COMMD1: variants seen among roughly 807,000 people sequenced by gnomAD.
COMMD1 encodes COMM domain-containing protein 1.
In COMMD1, 10 loss-of-function variants were observed where a neutral mutation model predicts 17.2. The observed-to-expected ratio is 0.58, with a 90% CI of 0.36 to 0.99. The LOEUF (loss-of-function observed/expected upper bound fraction) is 0.99. Among genes scored for constraint, COMMD1 ranks in the 50% least tolerant of loss-of-function variants. The probability of loss-of-function intolerance (pLI) is 0.01; values close to 1 mark genes in which losing one functional copy is unlikely to be tolerated. For synonymous variants in COMMD1, 97 were observed against 91.6 expected (o/e 1.06, Z -0.34); for missense variants, 270 against 231.8 (o/e 1.17, Z -1.07).
At chr2:62,123,441 G>C (rs1672801736) in intron 2 of COMMD1, among the ~76,000 whole-genome samples, 6 of 150,470 alleles carry the variant, frequency 4.0e-5, no homozygotes, top group Admixed American at 4.0e-4. Flanking sequence ...GGAGGCGGAG[G>C]GTGTAGTGAG....
At chr2:61,950,456 G>A (rs1212626788) in intron 1 of COMMD1, among the ~76,000 whole-genome samples, 1 of 152,196 alleles carries the variant, frequency 6.6e-6, no homozygotes, top group Non-Finnish European at 1.5e-5. Context: ...GAGATAAAAG[G>A]TTTATACAGT....
chr2:62,085,882 G>T (rs1362941444), intron 2 of COMMD1, among the ~76,000 whole-genome samples: 1 of 152,148 alleles, frequency 6.6e-6, no homozygotes, highest in Non-Finnish European at 1.5e-5. Context: ...GGACGCTGAG[G>T]CAGGAGAATG....
In COMMD1 at chr2:61,963,196, C is replaced by T. The variant is rs912910008; in HGVS notation, c.181-37505C>T. ...TATATATATATATATTATATACACACACACACACACACACACACACACACA... is the reference window on the plus strand; with the variant it reads ...TATATATATATATATTATATACACATACACACACACACACACACACACACA... On this transcript the variant is annotated intron_variant, in intron 1 of 2. Transcript: ENST00000311832. Among the ~76,000 whole-genome samples, 873 of 142,214 alleles carry T rather than the reference C, an allele frequency of 6.1e-3. 15 individuals carry two copies. The highest frequency in any genetic ancestry group is 0.022 in the African/African-American group (798 of 35,708). The allele number at this position is 142,214 out of a possible 152,430, so 93.3% of individuals were successfully genotyped here. A position where few individuals can be genotyped will look rare whatever the true frequency, so the allele number is the denominator to read the frequency against.
chr2:61,975,822 T>G (rs1232094022), intron 1 of COMMD1, among the ~76,000 whole-genome samples: 1 of 152,214 alleles, frequency 6.6e-6, no homozygotes, highest in African/African-American at 2.4e-5. Flanking sequence ...CATTGAGGTC[T>G]AAGAGCATAC....
At chr2:61,901,128 G>A (rs1315750146), upstream of COMMD1, among the ~76,000 whole-genome samples, 2 of 151,768 alleles carry the variant, frequency 1.3e-5, no homozygotes, top group Non-Finnish European at 2.9e-5. Flanking sequence ...TGTATCTTTA[G>A]TAGAGACAGG....
chr2:61,921,938 AT>A (rs34356773), intron 1 of COMMD1, among the ~76,000 whole-genome samples: 3 of 151,898 alleles, frequency 2.0e-5, no homozygotes, highest in African/African-American at 7.2e-5. Context: ...CTTTATTTAA[AT>A]TTTTTTTCCA....
At chr2:61,891,922 C>G (rs942463458) in intron 1 of COMMD1, among the ~76,000 whole-genome samples, 3 of 151,646 alleles carry the variant, frequency 2.0e-5, no homozygotes, top group African/African-American at 7.3e-5. Flanking sequence ...AGCTCCGCCT[C>G]CCGGGTTCAC....
intron 2 of COMMD1, 132 bp from the exon 3 acceptor site, chr2:62,135,699 A>T: frequency 1.5e-6 from 1 of 676,874 alleles, no homozygotes; most frequent in South Asian, 1.5e-5. Context: ...TTGCTGGGTA[A>T]AATATCACTT....
chr2:62,092,350 G>A (rs1218262121), intron 2 of COMMD1, among the ~76,000 whole-genome samples: 1 of 152,208 alleles, frequency 6.6e-6, no homozygotes, highest in Non-Finnish European at 1.5e-5. Flanking sequence ...GCCTGGTCCA[G>A]CGTCTCTGGA....
At chr2:61,889,546 C>T (rs1669370403) in intron 1 of COMMD1, among the ~76,000 whole-genome samples, 4 of 152,070 alleles carry the variant, frequency 2.6e-5, no homozygotes, top group Admixed American at 1.3e-4. Context: ...TGGATCTATC[C>T]GCGAGGTGGG....
chr2:62,071,181 G>A (rs1671190443), intron 2 of COMMD1, among the ~76,000 whole-genome samples: 2 of 152,168 alleles, frequency 1.3e-5, no homozygotes, highest in South Asian at 2.1e-4. Context: ...GGCAATTCCT[G>A]GAACTGAGGG....
chr2:61,892,955 C>T (rs776612608), intron 1 of COMMD1, among the ~76,000 whole-genome samples: 81 of 151,960 alleles, frequency 5.3e-4, no homozygotes, highest in Non-Finnish European at 7.8e-4. Flanking sequence ...GCAACCTCTG[C>T]TCCACGGGTT....
At chr2:62,000,559 T>A (rs1668900964) in intron 1 of COMMD1, 142 bp from the exon 2 acceptor site, 1 of 822,944 alleles carries the variant, frequency 1.2e-6, no homozygotes, top group African/African-American at 1.7e-5. Context: ...CCCAAAGTGC[T>A]GAGATTACAG....
chr2:62,051,602 C>T (rs1355969537), intron 2 of COMMD1, among the ~76,000 whole-genome samples: 3 of 152,020 alleles, frequency 2.0e-5, no homozygotes, highest in Admixed American at 6.6e-5. Context: ...CATAATGTAT[C>T]CCATTGGTTA....
intron 1 of COMMD1, among the ~76,000 whole-genome samples, chr2:61,943,538 CAA>C (rs1338544693): frequency 1.3e-5 from 2 of 152,106 alleles, no homozygotes; most frequent in African/African-American, 4.8e-5. Context: ...GAGGAGGGCT[CAA>C]AGTGAGGAAT....
intron 1 of COMMD1, among the ~76,000 whole-genome samples, chr2:61,890,484 G>A (rs1003320243): frequency 6.6e-6 from 1 of 152,110 alleles, no homozygotes; most frequent in African/African-American, 2.4e-5. Flanking sequence ...TTCCCAAAGT[G>A]CTAGGATTGC....
chr2:62,044,102 G>T (rs939277890), intron 2 of COMMD1, among the ~76,000 whole-genome samples: 8 of 152,112 alleles, frequency 5.3e-5, no homozygotes. Flanking sequence ...TCTCCAGGTG[G>T]TGTTTTTGCC....
intron 2 of COMMD1, among the ~76,000 whole-genome samples, chr2:62,061,984 C>CAAA (rs59487576): frequency 3.1e-5 from 4 of 129,306 alleles, no homozygotes; most frequent in African/African-American, 1.1e-4. Context: ...ACAGTTACAG[C>CAAA]AAAAAAAAAA....
chr2:62,008,353 CACAG>C (rs1213779652), intron 2 of COMMD1, among the ~76,000 whole-genome samples: 14 of 148,366 alleles, frequency 9.4e-5, no homozygotes, highest in East Asian at 5.8e-4. Flanking sequence ...CATACACACA[CACAG>C]ACAGACACAC....
Sources: allele counts gnomAD v4.1 joint callset (sites outside exome capture counted in the v4.1 genomes callset), GRCh38; gene constraint gnomAD v4.1.1; transcripts MANE v1.5; gene names NCBI Gene and HGNC (gene_info 2026-07-23, HGNC 2026-07-21).